Variants in SAMMSON observed in about 807,000 individuals in gnomAD.
The protein encoded by SAMMSON is survival associated mitochondrial melanoma specific oncogenic non-coding RNA, also known as long intergenic non-protein coding RNA 1212.
chr3:70,087,057 T>C (rs1297660734), intron 4 of SAMMSON, among the ~76,000 whole-genome samples: 1 of 152,120 alleles, frequency 6.6e-6, no homozygotes, highest in Non-Finnish European at 1.5e-5. Context: ...AAAGATGCCA[T>C]CTCTGAGCTT....
At chr3:70,355,002 T>C (rs1251794117) in intron 8 of SAMMSON, among the ~76,000 whole-genome samples, 1 of 152,124 alleles carries the variant, frequency 6.6e-6, no homozygotes, top group Non-Finnish European at 1.5e-5. Context: ...TCAGCAATAG[T>C]ACACTAAAGA....
intron 3 of SAMMSON, among the ~76,000 whole-genome samples, chr3:70,019,610 T>G (rs2067002108): frequency 6.6e-6 from 1 of 152,176 alleles, no homozygotes; most frequent in Admixed American, 6.5e-5. Flanking sequence ...TATGTGTGAA[T>G]TTGATCCTGT....
At chr3:70,347,756 G>A (rs1038997227) in intron 7 of SAMMSON, among the ~76,000 whole-genome samples, 9 of 152,236 alleles carry the variant, frequency 5.9e-5, no homozygotes, top group Non-Finnish European at 1.2e-4. Context: ...TATGGAAAAC[G>A]TTAGGGTCGG....
chr3:70,378,142 A>C (rs2106750103), intron 9 of SAMMSON, among the ~76,000 whole-genome samples: 1 of 151,212 alleles, frequency 6.6e-6, no homozygotes, highest in South Asian at 2.1e-4. Flanking sequence ...TAATTTATAT[A>C]TAATTTAGTT....
At chr3:70,399,474 C>T (rs1268583878) in intron 2 of SAMMSON, among the ~76,000 whole-genome samples, 2 of 152,054 alleles carry the variant, frequency 1.3e-5, no homozygotes, top group Non-Finnish European at 2.9e-5. Context: ...GTGATTTTCC[C>T]CAGGATGCAA....
At chr3:70,005,114 T>A (rs923365782) in intron 1 of SAMMSON, among the ~76,000 whole-genome samples, 7 of 152,190 alleles carry the variant, frequency 4.6e-5, no homozygotes, top group African/African-American at 1.7e-4. Context: ...TGAAATTTCA[T>A]TGAAGGGAAG....
intron 2 of SAMMSON, among the ~76,000 whole-genome samples, chr3:70,414,480 A>G (rs1251940647): frequency 6.6e-6 from 1 of 152,164 alleles, no homozygotes; most frequent in Non-Finnish European, 1.5e-5. Context: ...CTATACCTGC[A>G]CTTAGTAAGA....
chr3:70,255,139 A>T (rs182171813), intron 6 of SAMMSON, among the ~76,000 whole-genome samples: 1 of 152,340 alleles, frequency 6.6e-6, no homozygotes, highest in East Asian at 1.9e-4. Context: ...TTCTTAAACC[A>T]TGCTGCTCCT....
chr3:70,064,611 G>A lies in SAMMSON; in HGVS notation n.418-6865G>A, dbSNP rs543828073. On this transcript the variant is annotated intron_variant and non_coding_transcript_variant, in intron 3 of 9. Coordinates refer to ENST00000642114, the Ensembl canonical transcript of SAMMSON. The stretch of plus-strand genomic sequence containing the variant: ...TAGCTAAATATTATTGTACATCAGA[G>A]TGGGGCCATGCTTCCTGTACATTCT... Among the ~76,000 whole-genome samples, 5 of 152,200 alleles carry A rather than the reference G, an allele frequency of 3.3e-5. No homozygotes were observed. In the East Asian group the frequency reaches 9.7e-4, roughly 29 times the overall value.
intron 3 of SAMMSON, among the ~76,000 whole-genome samples, chr3:70,027,015 T>C (rs1182848676): frequency 6.6e-6 from 1 of 151,828 alleles, no homozygotes; most frequent in African/African-American, 2.4e-5. Flanking sequence ...CTACTGGGAG[T>C]TTGTAAAATG....
At chr3:70,360,898 A>C (rs1702866174) in intron 9 of SAMMSON, among the ~76,000 whole-genome samples, 1 of 152,202 alleles carries the variant, frequency 6.6e-6, no homozygotes, top group Non-Finnish European at 1.5e-5. Context: ...AGGGAGAAAT[A>C]TTAGCAGAGC....
intron 4 of SAMMSON, among the ~76,000 whole-genome samples, chr3:70,217,924 G>A (rs1701430516): frequency 6.6e-6 from 1 of 152,206 alleles, no homozygotes; most frequent in African/African-American, 2.4e-5. Flanking sequence ...TATAAATGTA[G>A]GATAGAAATA....
At chr3:70,182,216 G>A (rs1042461044) in intron 4 of SAMMSON, among the ~76,000 whole-genome samples, 3 of 151,888 alleles carry the variant, frequency 2.0e-5, no homozygotes, top group African/African-American at 4.8e-5. Context: ...CCCAACCCCC[G>A]CCCCCACCTT....
Position 70,164,040 on chromosome 3 carries a change from T to A in SAMMSON, n.508-85067T>A, listed in dbSNP as rs544710228. Among the ~76,000 whole-genome samples, 3 of 152,108 alleles carry A rather than the reference T, an allele frequency of 2.0e-5. No homozygotes were observed. The South Asian group carries it at 6.2e-4, about 32-fold the overall frequency. On this transcript the variant is annotated intron_variant and non_coding_transcript_variant, in intron 4 of 9. Coordinates refer to ENST00000642114, the Ensembl canonical transcript of SAMMSON. ...AATCCCTTTAACTTATCCATAAGAG[T>A]TGATTAATTGGAGACACTGGTCCAT...
intron 4 of SAMMSON, among the ~76,000 whole-genome samples, chr3:70,082,879 A>G (rs1022549429): frequency 2.0e-5 from 3 of 152,218 alleles, no homozygotes; most frequent in African/African-American, 7.2e-5. Flanking sequence ...TGCTATCCCC[A>G]TTTCTCAGAT....
At chr3:70,027,114 T>A (rs368748430) in intron 3 of SAMMSON, among the ~76,000 whole-genome samples, 1 of 152,182 alleles carries the variant, frequency 6.6e-6, no homozygotes, top group South Asian at 2.1e-4. Flanking sequence ...CATTTTCATT[T>A]GCTATAATTT....
downstream of SAMMSON, among the ~76,000 whole-genome samples, chr3:70,393,664 G>C (rs1701068153): frequency 6.6e-6 from 1 of 152,118 alleles, no homozygotes. Flanking sequence ...ATGAGACTAA[G>C]GCTGAAGTTT....
In SAMMSON at chr3:70,272,339, A is replaced by G. The variant is rs1000025479; in HGVS notation, n.675-18840A>G. On this transcript the variant is annotated intron_variant and non_coding_transcript_variant, in intron 6 of 9. Coordinates refer to ENST00000642114, the Ensembl canonical transcript of SAMMSON. ...ATCACTTTCTGCTACTATAGATTAAATTTGCCTTTCCTAAGATTTCATACA... is the reference window on the plus strand; with the variant it reads ...ATCACTTTCTGCTACTATAGATTAAGTTTGCCTTTCCTAAGATTTCATACA... 3.9e-5 allele frequency: 6 copies of G among 152,106 alleles called. No homozygotes were observed. In the East Asian group the frequency reaches 1.2e-3, roughly 29 times the overall value. 9.4% of individuals were successfully genotyped at this position (152,106 alleles called of 1,614,324 possible).
At chr3:70,367,063 A>G (rs1702927846) in intron 9 of SAMMSON, among the ~76,000 whole-genome samples, 2 of 151,686 alleles carry the variant, frequency 1.3e-5, no homozygotes, top group South Asian at 4.1e-4. Flanking sequence ...ATATTTATGG[A>G]GTATCTGTGG....
Sources: allele counts gnomAD v4.1 joint callset (sites outside exome capture counted in the v4.1 genomes callset), GRCh38; gene constraint gnomAD v4.1.1; transcripts MANE v1.5; gene names NCBI Gene and HGNC (gene_info 2026-07-23, HGNC 2026-07-21).